Variants in ANO8 observed in about 807,000 individuals in gnomAD.
The protein encoded by ANO8 is anoctamin-8.
Under a neutral mutation model 120.4 loss-of-function variants are expected in ANO8, and 67 were observed. The observed-to-expected ratio is 0.56, with a 90% CI of 0.46 to 0.68. The LOEUF is 0.68. ANO8 is among the 30% of genes least tolerant of loss of function. ANO8 has a pLI of 0.00. For synonymous variants in ANO8, 727 were observed against 759.2 expected (o/e 0.96, Z 0.70); for missense variants, 1,526 against 1,737.6 (o/e 0.88, Z 2.16).
Position 17,324,980 on chromosome 19 carries a change from G to T in ANO8, c.3068C>A (p.Ala1023Asp), listed in dbSNP as rs1397579650. 1.9e-6 allele frequency: 3 copies of T among 1,613,230 alleles called. No individual in the cohort carries two copies. Among genetic ancestry groups the T allele is most frequent in the Non-Finnish European group, 2.5e-6 (3 of 1,179,944 alleles). ...CTTGAGGAACTTGAAGCTGAGGAAG[G>T]CAGGCAGGCGGGTGTCGCTGCCTGT... ...SPTGSDTRLPAFLSFKFLKSP... is the reference protein window; with the variant it reads ...SPTGSDTRLPDFLSFKFLKSP... Residue 1023 changes from alanine (A) to aspartate (D), a missense_variant, in exon 17 of 18, where the codon GCC becomes GAC. Ala to Asp is a moderately radical substitution (Grantham distance 126, BLOSUM62 -2). Around this residue, in one of 8 missense-constraint regions of ANO8, gnomAD observed 489 missense variants for 548.6 expected, o/e 0.89. Transcript: ENST00000159087.
Position 17,331,217 on chromosome 19 carries a change from T to A in ANO8, c.704-2A>T. The A allele has an allele frequency of 6.2e-7, 1 of 1,614,198 alleles. No individual in the cohort carries two copies. The highest frequency in any genetic ancestry group is 8.5e-7 in the Non-Finnish European group (1 of 1,180,044). ...CACCAAAGTAATCACAGATGTCATC[T>A]GCCAGGGGACAAGTGGGTCTCAGTC... On this transcript the variant is annotated splice_acceptor_variant, in intron 6 of 17. Coordinates refer to ENST00000159087, the MANE Select transcript of ANO8 (RefSeq NM_020959.3). LOFTEE classifies it high-confidence loss of function.
Position 17,330,169 on chromosome 19 carries a change from C to T in ANO8, c.1229G>A (p.Ser410Asn). 6.2e-7 allele frequency: 1 copy of T among 1,614,076 alleles called. No individual in the cohort carries two copies. The highest frequency in any genetic ancestry group is 1.1e-5 in the South Asian group (1 of 91,090). Residue 410 changes from serine to asparagine, a missense_variant, in exon 10 of 18, where the codon AGT becomes AAT. This residue lies in a region of ANO8 where 91 missense variants were observed against 85.3 expected (regional missense o/e 1.07). Transcript: ENST00000159087. ...KVMLALLVSV[S>N]AEGYKKLAIW... ...GGCTAGCTTCTTGTAGCCCTCGGCA[C>T]TCACACTGACAAGCAGGGCCAGCAT...
rs1599544781 is a variant in ANO8 at position 17,327,345 on chromosome 19, G to T, written c.2551C>A (p.His851Asn). The change falls in exon 16 of 18, where the codon CAC (histidine) becomes AAC (asparagine). Residue 851 changes from histidine (H) to asparagine (N), a missense_variant and splice_region_variant. Physicochemically the swap from His to Asn is moderately conservative, Grantham distance 68. Transcript: ENST00000159087. ...AAIVSVVVLE[H>N]FALLLKYLIH... is the part of the protein sequence containing the mutation. ...AGGTACTTGAGGAGCAGAGCGAAGT[G>T]CTGCAGGGGTGGCAGAGAGGAGGCT... 1.3e-6 allele frequency: 2 copies of T among 1,549,694 alleles called. No homozygotes were observed. Among genetic ancestry groups the T allele is most frequent in the Non-Finnish European group, 1.7e-6 (2 of 1,145,858 alleles).
At chr19:17,327,383 C>G (rs763978088) in intron 15 of ANO8, 38 bp from the exon 16 acceptor site, 5 of 1,552,644 alleles carry the variant, frequency 3.2e-6, no homozygotes, top group Non-Finnish European at 4.4e-6. Flanking sequence ...AGGCTGCAGA[C>G]GCTGGGGCCG....
intron 17 of ANO8, among the ~76,000 whole-genome samples, chr19:17,324,263 G>A (rs1351377728): frequency 6.6e-6 from 1 of 152,082 alleles, no homozygotes; most frequent in Non-Finnish European, 1.5e-5. Flanking sequence ...AGCACATGTG[G>A]GAGCTCCCTG....
intron 12 of ANO8, 42 bp downstream of exon 12, chr19:17,329,715 C>G: frequency 6.4e-7 from 1 of 1,561,140 alleles, no homozygotes; most frequent in Non-Finnish European, 8.8e-7. Context: ...TCGCTGGCCG[C>G]CATGGGGGCA....
At chr19:17,326,215 C>A (rs2074273061) in intron 16 of ANO8, among the ~76,000 whole-genome samples, 1 of 152,156 alleles carries the variant, frequency 6.6e-6, no homozygotes, top group Admixed American at 6.5e-5. Context: ...AGAGACAGAA[C>A]CGTGGCTGCA....
chr19:17,325,356 G>T lies in ANO8; in HGVS notation c.2692C>A (p.Gln898Lys). The T allele has an allele frequency of 6.3e-7, 1 of 1,596,772 alleles. No individual in the cohort carries two copies. The change falls in exon 17 of 18, where the codon CAG becomes AAG. Residue 898 changes from glutamine (Q) to lysine (K), a missense_variant. Transcript: ENST00000159087. ...TCCCGCCGCCTGCGCTGCTGCTGCTGGTAGCGATGCTGGGCCTGGCGCTCG... is the reference window on the plus strand; with the variant it reads ...TCCCGCCGCCTGCGCTGCTGCTGCTTGTAGCGATGCTGGGCCTGGCGCTCG... ...RHERQAQHRY[Q>K]QQQRRRREEE...
chr19:17,325,438 G>T, intron 16 of ANO8, 52 bp from the exon 17 acceptor site: 1 of 1,517,702 alleles, frequency 6.6e-7, no homozygotes, highest in South Asian at 1.3e-5. Context: ...GTGTTAGCGG[G>T]TGCCAGCTGA....
chr19:17,329,671 G>GA, intron 12 of ANO8, 86 bp downstream of exon 12: 1 of 1,000,888 alleles, frequency 1.0e-6, no homozygotes, highest in South Asian at 1.4e-5. Flanking sequence ...AGGGGCTGGA[G>GA]AGCCCTTGGA....
At position 17,328,771 on chromosome 19, in the gene ANO8, C is replaced by G; in HGVS notation, c.1617G>C (p.Gly539=). 7.6e-7 allele frequency: 1 copy of G among 1,322,848 alleles called. No individual in the cohort carries two copies. 81.9% of individuals were successfully genotyped at this position (1,322,848 alleles called of 1,614,324 possible). ...CGCTGAGGCACCTGCGGCCCCCGCCCCCGCTGCCGCCGCCCCCGCCCTCAT... is the reference window on the plus strand; with the variant it reads ...CGCTGAGGCACCTGCGGCCCCCGCCGCCGCTGCCGCCGCCCCCGCCCTCAT... The part of the protein sequence containing the change: ...QADEGGGGGS[G]GGGRRCLSGG... The change falls in exon 13 of 18, where the codon GGG becomes GGC. Residue 539 remains glycine, a synonymous_variant. Coordinates refer to ENST00000159087, the MANE Select transcript of ANO8 (RefSeq NM_020959.3).
chr19:17,330,577 C>T, intron 8 of ANO8, 73 bp from the exon 9 acceptor site: 4 of 1,450,980 alleles, frequency 2.8e-6, no homozygotes, highest in East Asian at 2.5e-5. Context: ...CCCTCCCTAT[C>T]CTCAGAACTC....
chr19:17,328,046 T>C, intron 13 of ANO8, 116 bp downstream of exon 13: 1 of 1,358,366 alleles, frequency 7.4e-7, no homozygotes, highest in Non-Finnish European at 9.9e-7. Context: ...TCCTGCAGCA[T>C]CCCAACATCA....
chr19:17,330,450 A>C lies in ANO8; in HGVS notation c.1048T>G (p.Trp350Gly). 1.3e-6 allele frequency: 2 copies of C among 1,566,040 alleles called. No individual in the cohort carries two copies. The highest frequency in any genetic ancestry group is 1.7e-6 in the Non-Finnish European group (2 of 1,155,734). Reference sequence around the variant, plus strand: ...AGCAGCTGGAAGAGCAGCCGCTTCCAGGGCGGGTAGTAGAACTCCTCGGCC... The same window carrying C: ...AGCAGCTGGAAGAGCAGCCGCTTCCCGGGCGGGTAGTAGAACTCCTCGGCC... ...TRAEEFYYPP[W>G]KRLLFQLLVS... Residue 350 changes from tryptophan (W) to glycine (G), a missense_variant, in exon 9 of 18, where the codon TGG becomes GGG. Trp to Gly is a radical substitution (Grantham distance 184). Coordinates refer to ENST00000159087, the MANE Select transcript of ANO8 (RefSeq NM_020959.3).
intron 5 of ANO8, among the ~76,000 whole-genome samples, chr19:17,332,167 C>T (rs2074323884): frequency 6.8e-6 from 1 of 147,168 alleles, no homozygotes; most frequent in Non-Finnish European, 1.5e-5. Flanking sequence ...GATCTCCTGA[C>T]CTCGTGATAC....
At position 17,323,778 on chromosome 19, in the gene ANO8, T is replaced by G. The variant is rs12977101; in HGVS notation, c.3438A>C (p.Ala1146=). Residue 1146 remains alanine (A), a synonymous_variant, in exon 18 of 18, where the codon GCA becomes GCC. Transcript: ENST00000159087. ...MPLPRPPTPP[A]GCWQWDGPWG... The stretch of plus-strand genomic sequence containing the variant: ...AGGGCCCGTCCCACTGCCAGCAGCC[T>G]GCGGGCGGTGTCGGGGGCCGGGGCA... 831,261 of 1,169,552 alleles carry G rather than the reference T, an allele frequency of 0.71. 300,560 individuals carry two copies. The highest frequency in any genetic ancestry group is 0.85 in the African/African-American group (52,341 of 61,690). The allele number at this position is 1,169,552 out of a possible 1,614,324, so 72.4% of individuals were successfully genotyped here.
At position 17,328,156 on chromosome 19, in the gene ANO8, C is replaced by T. The variant is rs762954564; in HGVS notation, c.2226+6G>A. Reference sequence around the variant, plus strand: ...CGCCCCCTGCGAGGCCCCGCCCCCTCCTCACCTCGTACTTCTTCATACAGC... The same window carrying T: ...CGCCCCCTGCGAGGCCCCGCCCCCTTCTCACCTCGTACTTCTTCATACAGC... On this transcript the variant is annotated splice_donor_region_variant and intron_variant, in intron 13 of 17. Coordinates refer to ENST00000159087, the MANE Select transcript of ANO8 (RefSeq NM_020959.3). The T allele has an allele frequency of 1.4e-6, 2 of 1,409,992 alleles. No homozygotes were observed. The highest frequency in any genetic ancestry group is 4.6e-5 in the East Asian group (2 of 43,644). The allele number at this position is 1,409,992 out of a possible 1,614,324, so 87.3% of individuals were successfully genotyped here. A position where few individuals can be genotyped will look rare whatever the true frequency, so the allele number is the denominator to read the frequency against.
rs2074278669 is a variant in ANO8 at position 17,327,259 on chromosome 19, C to G, written c.2637G>C (p.Glu879Asp). ...CCTTAAAGGCCTCGCGGCGCTGGTACTCCAGCTTGGCCATTTCCTCGGCCA... is the reference window on the plus strand; with the variant it reads ...CCTTAAAGGCCTCGCGGCGCTGGTAGTCCAGCTTGGCCATTTCCTCGGCCA... The part of the protein sequence containing the change: ...GWVAEEMAKL[E>D]YQRREAFKRH... Residue 879 changes from glutamate (E) to aspartate (D), a missense_variant, in exon 16 of 18, where the codon GAG (glutamate) becomes GAC (aspartate). By Grantham distance (45) the Glu-to-Asp change is conservative (BLOSUM62 2). This residue lies in a region of ANO8 where 489 missense variants were observed against 548.6 expected (regional missense o/e 0.89). Coordinates refer to ENST00000159087, the MANE Select transcript of ANO8 (RefSeq NM_020959.3). 1 of 1,547,734 alleles carries G rather than the reference C, an allele frequency of 6.5e-7. No individual in the cohort carries two copies. The highest frequency in any genetic ancestry group is 8.7e-7 in the Non-Finnish European group (1 of 1,145,690).
intron 5 of ANO8, among the ~76,000 whole-genome samples, chr19:17,332,171 G>A (rs1435833159): frequency 1.3e-5 from 2 of 149,418 alleles, no homozygotes; most frequent in African/African-American, 4.9e-5. Context: ...TCCTGACCTC[G>A]TGATACGCCC....
Sources: gnomAD v4.1 joint callset for allele counts (sites outside exome capture counted in the v4.1 genomes callset) on GRCh38, gnomAD v4.1.1 for gene constraint, gnomAD v4.1.1 regional missense constraint, MANE v1.5 for transcripts, NCBI Gene and HGNC (gene_info 2026-07-23, HGNC 2026-07-21) for gene names.